The following FHIP2A variants were observed in gnomAD, a reference collection of about 807,000 sequenced individuals.
FHIP2A encodes family with sequence similarity 160 member B1.
A neutral mutation model predicts 93.5 loss-of-function variants in FHIP2A; 46 were observed. The observed-to-expected ratio is 0.49, with a 90% confidence interval of 0.39 to 0.63. The LOEUF (loss-of-function observed/expected upper bound fraction) is 0.63. Ranked by LOEUF, FHIP2A falls within the 20% of genes least tolerant of loss-of-function variation. The probability of loss-of-function intolerance (pLI) is 0.00; values close to 1 mark genes in which losing one functional copy is unlikely to be tolerated. For missense variants in FHIP2A, 769 were observed against 909.7 expected, an observed-to-expected ratio of 0.85 and a Z score of 1.99; for synonymous variants, 332 against 326.5, an observed-to-expected ratio of 1.02 and a Z score of -0.18.
At chr10:114,836,788 A>G in intron 5 of FHIP2A, among the ~76,000 whole-genome samples, 1 of 152,148 alleles carries the variant, frequency 6.6e-6, no homozygotes, top group East Asian at 1.9e-4. Flanking sequence ...TAAAAAATAT[A>G]TTTTTGTACT....
chr10:114,875,820 AAGGT>A (rs1280490815), intron 16 of FHIP2A, among the ~76,000 whole-genome samples: 3 of 150,624 alleles, frequency 2.0e-5, no homozygotes, highest in Admixed American at 2.0e-4. Flanking sequence ...GAAAGGAAAG[AAGGT>A]AGGAAGGTAA....
intron 16 of FHIP2A, among the ~76,000 whole-genome samples, chr10:114,871,468 C>A (rs184379041): frequency 1.5e-4 from 23 of 152,264 alleles, no homozygotes; most frequent in African/African-American, 5.5e-4. Context: ...CAGCCTCTTC[C>A]CTTTGTTCTG....
intron 14 of FHIP2A, among the ~76,000 whole-genome samples, chr10:114,857,541 C>G (rs2143012829): frequency 6.6e-6 from 1 of 152,160 alleles, no homozygotes; most frequent in South Asian, 2.1e-4. Flanking sequence ...AACTCCTGAC[C>G]TCAGGTGATC....
chr10:114,895,860 A>G (rs1027811889), intron 16 of FHIP2A, among the ~76,000 whole-genome samples: 3 of 152,216 alleles, frequency 2.0e-5, no homozygotes, highest in East Asian at 3.9e-4. Context: ...CACATGATGT[A>G]AGGCATATCA....
intron 1 of FHIP2A, among the ~76,000 whole-genome samples, chr10:114,822,584 T>C (rs2083539844): frequency 6.6e-6 from 1 of 152,160 alleles, no homozygotes; most frequent in African/African-American, 2.4e-5. Context: ...TGGGCTTGGT[T>C]CTGTTTTGTT....
intron 16 of FHIP2A, among the ~76,000 whole-genome samples, chr10:114,884,327 A>G (rs1307468151): frequency 1.3e-5 from 2 of 152,230 alleles, no homozygotes; most frequent in African/African-American, 4.8e-5. Flanking sequence ...ACTTGTTTCT[A>G]TAACGTTATT....
chr10:114,877,091 C>A (rs2083893219), intron 16 of FHIP2A, among the ~76,000 whole-genome samples: 1 of 152,252 alleles, frequency 6.6e-6, no homozygotes, highest in South Asian at 2.1e-4. Context: ...GTGTTGCCGA[C>A]ACATCCGGGC....
intron 13 of FHIP2A, among the ~76,000 whole-genome samples, chr10:114,849,192 A>G (rs1041277179): frequency 2.0e-5 from 3 of 150,766 alleles, no homozygotes; most frequent in Admixed American, 1.3e-4. Flanking sequence ...GCTTTGTGCA[A>G]GTGACTTTAG....
intron 16 of FHIP2A, among the ~76,000 whole-genome samples, chr10:114,886,155 C>T (rs1310023349): frequency 6.6e-6 from 1 of 152,150 alleles, no homozygotes; most frequent in African/African-American, 2.4e-5. Flanking sequence ...ATTCTAAGCA[C>T]ATCACATATT....
intron 2 of FHIP2A, 149 bp from the exon 3 acceptor site, chr10:114,833,084 A>G (rs1301637747): frequency 1.8e-5 from 11 of 598,616 alleles, no homozygotes; most frequent in Non-Finnish European, 3.2e-5. Flanking sequence ...TCTAGCAGAG[A>G]TAATCATACT....
At chr10:114,829,271 C>T (rs1211759320) in intron 1 of FHIP2A, among the ~76,000 whole-genome samples, 3 of 151,058 alleles carry the variant, frequency 2.0e-5, no homozygotes, top group African/African-American at 7.4e-5. Flanking sequence ...AGGGGTGGGC[C>T]ATTCTCGGCC....
chr10:114,890,217 G>A (rs1276867175), intron 16 of FHIP2A, among the ~76,000 whole-genome samples: 14 of 151,898 alleles, frequency 9.2e-5, no homozygotes, highest in African/African-American at 3.4e-4. Context: ...TAGTAGAGAC[G>A]AGGTTTCGCT....
intron 16 of FHIP2A, among the ~76,000 whole-genome samples, chr10:114,879,041 G>A (rs2083904053): frequency 6.6e-6 from 1 of 152,104 alleles, no homozygotes; most frequent in African/African-American, 2.4e-5. Flanking sequence ...TATGTGCCAG[G>A]CTTATTATTT....
At chr10:114,867,066 A>C (rs562447770), downstream of FHIP2A, among the ~76,000 whole-genome samples, 144 of 152,152 alleles carry the variant, frequency 9.5e-4, no homozygotes, top group African/African-American at 3.4e-3. Context: ...AAACTTAGCC[A>C]GGCATGGTGG....
chr10:114,872,860 C>T (rs2083866373), intron 16 of FHIP2A, among the ~76,000 whole-genome samples: 1 of 152,146 alleles, frequency 6.6e-6, no homozygotes, highest in Non-Finnish European at 1.5e-5. Flanking sequence ...TCCAAATCCC[C>T]ATCCCTGAGG....
At chr10:114,880,385 T>TA (rs1258218417) in intron 16 of FHIP2A, among the ~76,000 whole-genome samples, 14 of 152,108 alleles carry the variant, frequency 9.2e-5, no homozygotes, top group African/African-American at 3.1e-4. Flanking sequence ...ATAAAACTGT[T>TA]AAAAACCCTT....
chr10:114,845,566 A>G (rs2083695935), intron 8 of FHIP2A, 85 bp downstream of exon 8: 2 of 773,592 alleles, frequency 2.6e-6, no homozygotes, highest in Non-Finnish European at 4.2e-6. Flanking sequence ...TATATCCCAA[A>G]TACATTTTAA....
intron 16 of FHIP2A, among the ~76,000 whole-genome samples, chr10:114,899,064 C>T (rs2084014483): frequency 6.6e-6 from 1 of 152,198 alleles, no homozygotes; most frequent in African/African-American, 2.4e-5. Flanking sequence ...GATGGACAAC[C>T]ACATGCTGAG....
chr10:114,838,018 G>A (rs1464270336), intron 5 of FHIP2A, among the ~76,000 whole-genome samples: 2 of 152,124 alleles, frequency 1.3e-5, no homozygotes, highest in Non-Finnish European at 2.9e-5. Context: ...CATGTCACTT[G>A]GATAAATACC....
Sources: allele counts gnomAD v4.1 joint callset (sites outside exome capture counted in the v4.1 genomes callset), GRCh38; gene constraint gnomAD v4.1.1; transcripts MANE v1.5; gene names NCBI Gene and HGNC (gene_info 2026-07-23, HGNC 2026-07-21).